NPEPPS: variants seen among roughly 807,000 people sequenced by gnomAD.
NPEPPS encodes aminopeptidase puromycin sensitive.
A neutral mutation model predicts 115.5 loss-of-function variants in NPEPPS; 14 were observed. The ratio of observed to expected loss-of-function variants is 0.12; its 90% CI spans 0.08 to 0.19. The LOEUF (loss-of-function observed/expected upper bound fraction) is 0.19. Ranked by LOEUF, NPEPPS falls within the 10% of genes least tolerant of loss-of-function variation. The pLI, the probability that NPEPPS is intolerant of heterozygous loss-of-function variation, is 1.00. For missense variants in NPEPPS, 523 were observed against 1,110.8 expected (o/e 0.47, Z 7.52); for synonymous variants, 285 against 390.6 (o/e 0.73, Z 3.19).
intron 14 of NPEPPS, 112 bp from the exon 15 acceptor site, chr17:47,601,496 C>CTAT: frequency 2.7e-6 from 3 of 1,107,090 alleles, no homozygotes; most frequent in Non-Finnish European, 4.0e-6. Context: ...TAAGAATGAA[C>CTAT]TATTGACTTA....
chr17:47,593,592 G>A (rs1371125113), intron 12 of NPEPPS, among the ~76,000 whole-genome samples: 1 of 152,090 alleles, frequency 6.6e-6, no homozygotes, highest in Non-Finnish European at 1.5e-5. Flanking sequence ...ATACAGTCAT[G>A]TGTTGCTTAA....
At chr17:47,526,580 G>T (rs1305633478), upstream of NPEPPS, among the ~76,000 whole-genome samples, 1 of 152,236 alleles carries the variant, frequency 6.6e-6, no homozygotes, top group East Asian at 1.9e-4. Context: ...GCCTTAAATG[G>T]TTATGAATGA....
At chr17:47,620,894 T>C (rs1435883976) in intron 22 of NPEPPS, among the ~76,000 whole-genome samples, 2 of 152,168 alleles carry the variant, frequency 1.3e-5, no homozygotes, top group African/African-American at 4.8e-5. Context: ...AGAAATTGTT[T>C]GGTTTACTGT....
At chr17:47,619,325 G>A in intron 21 of NPEPPS, 161 bp downstream of exon 21, 2 of 709,016 alleles carry the variant, frequency 2.8e-6, no homozygotes, top group Non-Finnish European at 4.9e-6. Flanking sequence ...ACGCCGAGGT[G>A]GGCAGATCAC....
intron 4 of NPEPPS, chr17:47,581,826 G>A (rs1413147278): frequency 1.3e-5 from 2 of 152,292 alleles, no homozygotes; most frequent in Admixed American, 6.5e-5. Flanking sequence ...CTCCCGAGTA[G>A]CTGGGATTAC....
At chr17:47,598,163 G>T (rs1196856660) in intron 13 of NPEPPS, among the ~76,000 whole-genome samples, 1 of 152,110 alleles carries the variant, frequency 6.6e-6, no homozygotes, top group Non-Finnish European at 1.5e-5. Context: ...TGAGCATTTC[G>T]TTCCCTCAAA....
At chr17:47,543,870 AGTTT>A (rs56297702) in intron 1 of NPEPPS, among the ~76,000 whole-genome samples, 23,201 of 145,538 alleles carry the variant, frequency 0.16, 1,466 homozygotes, top group Non-Finnish European at 0.23. Flanking sequence ...CCAAGATGCT[AGTTT>A]GTTTGTTTGT....
In NPEPPS at chr17:47,596,405, G is replaced by A; in HGVS notation, c.1479G>A (p.Val493=). Residue 493 remains valine (V), a synonymous_variant, in exon 13 of 23, where the codon GTG becomes GTA. Coordinates refer to ENST00000322157, the MANE Select transcript of NPEPPS (RefSeq NM_006310.4). ...ENASGKPIAA[V]MNTWTKQMGF... ...CTAGTGGTAAACCTATAGCAGCTGT[G>A]ATGAATACCTGGACCAAACAAATGG... The A allele has an allele frequency of 6.3e-7, 1 of 1,598,164 alleles. No homozygotes were observed. The highest frequency in any genetic ancestry group is 8.5e-7 in the Non-Finnish European group (1 of 1,171,816).
intron 22 of NPEPPS, among the ~76,000 whole-genome samples, chr17:47,620,475 G>A (rs1456932097): frequency 6.6e-6 from 1 of 152,130 alleles, no homozygotes; most frequent in Admixed American, 6.6e-5. Flanking sequence ...TAACCATTTA[G>A]TTCAACAATA....
At chr17:47,536,673 G>GCT (rs1368823806) in intron 1 of NPEPPS, among the ~76,000 whole-genome samples, 1 of 148,058 alleles carries the variant, frequency 6.8e-6, no homozygotes, top group Non-Finnish European at 1.5e-5. Context: ...GGGATTATGG[G>GCT]CGTGAGCCAC....
Position 47,599,746 on chromosome 17 carries a change from A to G in NPEPPS, c.1600+7A>G. On this transcript the variant is annotated splice_region_variant and intron_variant, in intron 14 of 22. Transcript: ENST00000322157. ...GCTGGTGGGTCATATGTTGGTAAGT[A>G]AATGGCTGTAAGTGAGATATGATTG... is the stretch of plus-strand genomic sequence containing the variant. 1 of 1,553,540 alleles carries G rather than the reference A, an allele frequency of 6.4e-7. No individual in the cohort carries two copies. The highest frequency in any genetic ancestry group is 8.7e-7 in the Non-Finnish European group (1 of 1,145,284).
In NPEPPS at chr17:47,623,179, GATTGTGAGAC is replaced by G. The variant is rs1914700682; in HGVS notation, c.*1260_*1269del. On this transcript the variant is annotated 3_prime_UTR_variant, in exon 23 of 23. Transcript: ENST00000322157. Reference sequence around the variant, plus strand: ...TTAACGGTATTTCAGAAGGTCATCAGATTGTGAGACTGCTTCCTTGAAACATTTTTGTGCT... The same window carrying G: ...TTAACGGTATTTCAGAAGGTCATCAGTGCTTCCTTGAAACATTTTTGTGCT... 5.6e-6 allele frequency: 1 copy of G among 178,850 alleles called. No homozygotes were observed. The highest frequency in any genetic ancestry group is 1.2e-5 in the Non-Finnish European group (1 of 84,222). The allele number at this position is 178,850 out of a possible 1,614,324, so 11.1% of individuals were successfully genotyped here.
At chr17:47,538,199 G>GTTTTTT (rs1292705804) in intron 1 of NPEPPS, among the ~76,000 whole-genome samples, 7 of 72,364 alleles carry the variant, frequency 9.7e-5, no homozygotes, top group Admixed American at 7.5e-4. Flanking sequence ...AGCCATATCT[G>GTTTTTT]TTCTTTTTTT....
intron 2 of NPEPPS, among the ~76,000 whole-genome samples, chr17:47,556,181 G>A (rs551659435): frequency 8.7e-5 from 13 of 149,852 alleles, no homozygotes; most frequent in African/African-American, 2.9e-4. Context: ...AGATAAACAA[G>A]TGAACAAAGG....
At chr17:47,580,608 T>C (rs1911814700) in intron 4 of NPEPPS, 1 of 152,042 alleles carries the variant, frequency 6.6e-6, no homozygotes, top group Non-Finnish European at 1.5e-5. Flanking sequence ...TTAGACATAA[T>C]ATTACAGAAT....
chr17:47,546,697 AC>A (rs1429900831), intron 2 of NPEPPS, among the ~76,000 whole-genome samples: 1 of 151,850 alleles, frequency 6.6e-6, no homozygotes, highest in Non-Finnish European at 1.5e-5. Flanking sequence ...CCACCACCAT[AC>A]CTAGCTAATT....
At chr17:47,580,189 G>A (rs892847517) in intron 4 of NPEPPS, 24 of 152,168 alleles carry the variant, frequency 1.6e-4, no homozygotes, top group African/African-American at 5.5e-4. Flanking sequence ...TTGTTTGCTT[G>A]TTTGGGATAA....
At chr17:47,613,187 C>T (rs1183669928) in intron 18 of NPEPPS, among the ~76,000 whole-genome samples, 1 of 151,270 alleles carries the variant, frequency 6.6e-6, no homozygotes, top group Non-Finnish European at 1.5e-5. Context: ...TGCCATTTAC[C>T]TTTGTGGTTG....
intron 17 of NPEPPS, among the ~76,000 whole-genome samples, chr17:47,608,343 T>C (rs1913637405): frequency 1.3e-5 from 2 of 151,408 alleles, no homozygotes; most frequent in African/African-American, 4.9e-5. Flanking sequence ...TAGTCCCAGC[T>C]ACTCAGGAGG....
Sources: gnomAD v4.1 joint callset for allele counts (sites outside exome capture counted in the v4.1 genomes callset) on GRCh38, gnomAD v4.1.1 for gene constraint, MANE v1.5 for transcripts, NCBI Gene and HGNC (gene_info 2026-07-23, HGNC 2026-07-21) for gene names.